The following AQP1 variants were observed in gnomAD, a reference collection of about 807,000 sequenced individuals.
The protein encoded by AQP1 is aquaporin-1.
A neutral mutation model predicts 19.7 loss-of-function variants in AQP1; 11 were observed. The observed-to-expected ratio is 0.56, with a 90% CI of 0.35 to 0.92. The LOEUF is 0.92. Ranked by LOEUF, AQP1 falls within the 40% of genes least tolerant of loss-of-function variation. The pLI, the probability that AQP1 is intolerant of heterozygous loss-of-function variation, is 0.01. For missense variants in AQP1, 320 were observed against 369.7 expected (o/e 0.87, Z 1.10); for synonymous variants, 159 against 166.7 (o/e 0.95, Z 0.36).
rs1198751174 is a variant in AQP1 at position 30,912,797 on chromosome 7, C to A, written c.384+504C>A. ...TATTCACACTAGTTTCCAAATAAAC[C>A]ACCTCTAGGAATCAAGAGAAAGGCC... is the stretch of plus-strand genomic sequence containing the variant. On this transcript the variant is annotated intron_variant, in intron 1 of 3. Transcript: ENST00000311813. The surrounding 1 kb of genome is among the most constrained non-coding windows in gnomAD (Gnocchi z 4.3). Among the ~76,000 whole-genome samples, 1 of 152,184 alleles carries A rather than the reference C, an allele frequency of 6.6e-6. No individual in the cohort carries two copies. The highest frequency in any genetic ancestry group is 2.4e-5 in the African/African-American group (1 of 41,452).
chr7:30,921,557 C>T, intron 1 of AQP1: 2 of 1,541,474 alleles, frequency 1.3e-6, no homozygotes, highest in Middle Eastern at 1.7e-4. Flanking sequence ...CAGGACCTCA[C>T]CGAAGGCCTC....
chr7:30,916,571 G>T (rs1479097194), intron 1 of AQP1, among the ~76,000 whole-genome samples: 1 of 152,260 alleles, frequency 6.6e-6, no homozygotes. Context: ...ATGGAGTGGT[G>T]CCCAGGGGGA....
chr7:30,920,699 A>G (rs1408703992), intron 1 of AQP1, among the ~76,000 whole-genome samples: 2 of 152,192 alleles, frequency 1.3e-5, no homozygotes, highest in East Asian at 1.9e-4. Context: ...AAGAGTCAGA[A>G]CCTGAACACA....
At chr7:30,917,531 G>A (rs192267891) in intron 1 of AQP1, among the ~76,000 whole-genome samples, 111 of 152,270 alleles carry the variant, frequency 7.3e-4, no homozygotes, top group African/African-American at 2.5e-3. Context: ...TCTCTAGCTG[G>A]TAGTGGCAGC....
chr7:30,912,102 C>T lies in AQP1; in HGVS notation c.193C>T (p.Gln65Ter). ...CGGGCTGAGCATCGCCACGCTGGCGCAGAGTGTGGGCCACATCAGCGGCGC... is the reference window on the plus strand; with the variant it reads ...CGGGCTGAGCATCGCCACGCTGGCGTAGAGTGTGGGCCACATCAGCGGCGC... Reference protein sequence around the residue: ...AFGLSIATLAQSVGHISGAHL... With the variant: ...AFGLSIATLA Residue 65 changes from glutamine to a stop codon, truncating the protein, a stop_gained, in exon 1 of 4, where the codon CAG (glutamine) becomes TAG (stop). Coordinates refer to ENST00000311813, the MANE Select transcript of AQP1 (RefSeq NM_198098.4). LOFTEE classifies it high-confidence loss of function. The surrounding 1 kb of genome is among the most constrained non-coding windows in gnomAD (Gnocchi z 4.3). 1 of 1,613,298 alleles carries T rather than the reference C, an allele frequency of 6.2e-7. No homozygotes were observed. Among genetic ancestry groups the T allele is most frequent in the South Asian group, 1.1e-5 (1 of 91,086 alleles).
intron 1 of AQP1, among the ~76,000 whole-genome samples, chr7:30,919,544 T>A (rs889030679): frequency 8.5e-5 from 12 of 140,414 alleles, no homozygotes; most frequent in African/African-American, 3.6e-4. Context: ...TTGAGAATTG[T>A]TCTGATTCTT....
chr7:30,915,933 AG>A (rs1438020421), intron 1 of AQP1, among the ~76,000 whole-genome samples: 2 of 152,108 alleles, frequency 1.3e-5, no homozygotes, highest in Non-Finnish European at 2.9e-5. Flanking sequence ...CGTCCTGCCC[AG>A]GGAGGGGCTG....
intron 1 of AQP1, among the ~76,000 whole-genome samples, chr7:30,917,858 G>A (rs970368505): frequency 6.6e-6 from 1 of 152,176 alleles, no homozygotes; most frequent in Non-Finnish European, 1.5e-5. Context: ...ATTTCTAATA[G>A]AAGATTGTTA....
chr7:30,922,838 C>T (rs1270362090), intron 3 of AQP1, among the ~76,000 whole-genome samples, 194 bp downstream of exon 3: 1 of 152,220 alleles, frequency 6.6e-6, no homozygotes, highest in Non-Finnish European at 1.5e-5. Flanking sequence ...TAGTCTCTGC[C>T]CTCCCAGCTC....
rs188771087 is a variant in AQP1 at position 30,912,589 on chromosome 7, G to A, written c.384+296G>A. 1.3e-4 allele frequency among the ~76,000 whole-genome samples: 20 copies of A among 152,296 alleles called. No individual in the cohort carries two copies. The highest frequency in any genetic ancestry group is 1.2e-3 in the Admixed American group (18 of 15,296). On this transcript the variant is annotated intron_variant, in intron 1 of 3. Transcript: ENST00000311813. The surrounding 1 kb of genome is among the most constrained non-coding windows in gnomAD (Gnocchi z 4.3). ...GAATAAGCTTGGCCAGCAGTTCCTCGCCCCTTGGCTGTAGCTTTTTGGCCC... is the reference window on the plus strand; with the variant it reads ...GAATAAGCTTGGCCAGCAGTTCCTCACCCCTTGGCTGTAGCTTTTTGGCCC...
chr7:30,922,752 G>A, intron 3 of AQP1, 108 bp downstream of exon 3: 1 of 1,180,280 alleles, frequency 8.5e-7, no homozygotes, highest in South Asian at 1.2e-5. Flanking sequence ...GAGACAGCCA[G>A]AGGACAGGAA....
chr7:30,921,735 T>G (rs1791505822), intron 1 of AQP1: 2 of 1,550,720 alleles, frequency 1.3e-6, no homozygotes, highest in Non-Finnish European at 1.7e-6. Context: ...CCTCTGGTCT[T>G]GGTACCCCAG....
chr7:30,922,457 C>T, intron 2 of AQP1, 107 bp from the exon 3 acceptor site: 1 of 1,333,140 alleles, frequency 7.5e-7, no homozygotes, highest in Admixed American at 1.7e-5. Flanking sequence ...TCTCATTGTC[C>T]CCCACCCTGA....
At position 30,923,867 on chromosome 7, in the gene AQP1, T is replaced by G; in HGVS notation, c.*238T>G. The G allele has an allele frequency of 6.6e-7, 1 of 1,509,494 alleles. No homozygotes were observed. The highest frequency in any genetic ancestry group is 8.9e-7 in the Non-Finnish European group (1 of 1,125,324). The allele number at this position is 1,509,494 out of a possible 1,614,324, so 93.5% of individuals were successfully genotyped here. The stretch of plus-strand genomic sequence containing the variant: ...AAGATTTACCAATTCACCCACTCCC[T>G]TGAAGTTGTGGAGGAGGTGAAAGAA... On this transcript the variant is annotated 3_prime_UTR_variant, in exon 4 of 4. Transcript: ENST00000311813. This position sits in a 1 kb window ranked among gnomAD's most constrained non-coding sequence, Gnocchi z 4.8.
chr7:30,921,786 C>G, intron 1 of AQP1: 1 of 1,550,638 alleles, frequency 6.4e-7, no homozygotes, highest in East Asian at 2.4e-5. Flanking sequence ...AAGGCCCCAG[C>G]TCACCCCAGG....
chr7:30,912,436 G>GCT lies in AQP1; in HGVS notation c.384+143_384+144insCT. The GCT allele has an allele frequency of 7.9e-7, 1 of 1,259,356 alleles. No individual in the cohort carries two copies. The highest frequency in any genetic ancestry group is 1.5e-5 in the South Asian group (1 of 67,066). 78.0% of individuals were successfully genotyped at this position (1,259,356 alleles called of 1,614,324 possible). A position where few individuals can be genotyped will look rare whatever the true frequency, so the allele number is the denominator to read the frequency against. ...CTGGAGGTCACGTAGAGAGCTGGGG[G>GCT]GAAGAGCTGGGGCTGGAACTCAGCT... On this transcript the variant is annotated intron_variant, in intron 1 of 3. Transcript: ENST00000311813. This position sits in a 1 kb window ranked among gnomAD's most constrained non-coding sequence, Gnocchi z 4.3.
In AQP1 at chr7:30,912,023, G is replaced by A. The variant is rs565738930; in HGVS notation, c.114G>A (p.Pro38=). 802 of 1,613,554 alleles carry A rather than the reference G, an allele frequency of 5.0e-4. 9 individuals carry two copies. In the South Asian group the frequency reaches 7.6e-3, roughly 15 times the overall value. The change falls in exon 1 of 4, where the codon CCG becomes CCA. Residue 38 remains proline, a synonymous_variant. Transcript: ENST00000311813. The surrounding 1 kb of genome is among the most constrained non-coding windows in gnomAD (Gnocchi z 4.3). ...GTTCTGCCCTGGGCTTCAAATACCC[G>A]GTGGGGAACAACCAGACGGCGGTCC... ...SIGSALGFKY[P]VGNNQTAVQD...
In AQP1 at chr7:30,922,059, C is replaced by T. The variant is rs1233332389; in HGVS notation, c.385-7C>T. 1 of 1,613,728 alleles carries T rather than the reference C, an allele frequency of 6.2e-7. No homozygotes were observed. Among genetic ancestry groups the T allele is most frequent in the Non-Finnish European group, 8.5e-7 (1 of 1,180,030 alleles). ...TCACCAGTCCTCACCACCTCTCTCC[C>T]CTGCAGCTGGCTGATGGTGTGAACT... On this transcript the variant is annotated splice_polypyrimidine_tract_variant and splice_region_variant and intron_variant, in intron 1 of 3. Transcript: ENST00000311813.
intron 1 of AQP1, chr7:30,921,639 C>G: frequency 6.4e-7 from 1 of 1,550,772 alleles, no homozygotes; most frequent in African/African-American, 1.4e-5. Context: ...GAAGCCGTGT[C>G]CCCTGCTGGG....
Sources: allele counts gnomAD v4.1 joint callset (sites outside exome capture counted in the v4.1 genomes callset), GRCh38; gene constraint gnomAD v4.1.1; non-coding constraint Gnocchi (gnomAD v3.1); transcripts MANE v1.5; gene names NCBI Gene and HGNC (gene_info 2026-07-23, HGNC 2026-07-21).